The following CDH12 variants were observed in gnomAD, a reference collection of about 807,000 sequenced individuals.
CDH12 encodes the protein cadherin 12.
A neutral mutation model predicts 74.1 loss-of-function variants in CDH12; 41 were observed. The ratio of observed to expected loss-of-function variants is 0.55; its 90% CI spans 0.43 to 0.72. CDH12 has a LOEUF of 0.72. Among genes scored for constraint, CDH12 ranks in the 30% least tolerant of loss-of-function variants. The pLI is 0.00. For missense variants in CDH12, 945 were observed against 977.2 expected (o/e 0.97, Z 0.44); for synonymous variants, 399 against 355.0 (o/e 1.12, Z -1.39).
chr5:22,666,808 T>C (rs1207142817), intron 1 of CDH12, among the ~76,000 whole-genome samples: 1 of 152,260 alleles, frequency 6.6e-6, no homozygotes, highest in African/African-American at 2.4e-5. Context: ...TATAGCTGTA[T>C]ATATGTGTAT....
At chr5:22,148,156 G>T (rs1456087335) in intron 4 of CDH12, among the ~76,000 whole-genome samples, 1 of 152,122 alleles carries the variant, frequency 6.6e-6, no homozygotes, top group East Asian at 1.9e-4. Context: ...TTTTTCCTGT[G>T]ATGGGGATTT....
At chr5:21,958,127 C>T (rs1756184125) in intron 6 of CDH12, among the ~76,000 whole-genome samples, 1 of 152,152 alleles carries the variant, frequency 6.6e-6, no homozygotes, top group Non-Finnish European at 1.5e-5. Context: ...TGGTACTTCT[C>T]CTTCCTGCCG....
chr5:22,228,891 C>T (rs1205316291), intron 3 of CDH12, among the ~76,000 whole-genome samples: 1 of 152,022 alleles, frequency 6.6e-6, no homozygotes, highest in African/African-American at 2.4e-5. Context: ...CAAAGAAGCA[C>T]TTTTTGTTTC....
At chr5:21,946,145 C>T (rs1755567688) in intron 6 of CDH12, among the ~76,000 whole-genome samples, 1 of 152,114 alleles carries the variant, frequency 6.6e-6, no homozygotes. Flanking sequence ...GAACTGTGAA[C>T]TGTAAATTCA....
chr5:22,385,373 A>T (rs1008227497), intron 3 of CDH12, among the ~76,000 whole-genome samples: 1 of 152,160 alleles, frequency 6.6e-6, no homozygotes, highest in African/African-American at 2.4e-5. Flanking sequence ...CCTAAGCTTG[A>T]TTAATAAGAT....
At chr5:22,634,232 AG>A (rs1364964722) in intron 1 of CDH12, among the ~76,000 whole-genome samples, 1 of 152,166 alleles carries the variant, frequency 6.6e-6, no homozygotes, top group African/African-American at 2.4e-5. Context: ...ACAAGACAAA[AG>A]TAATTACATT....
intron 6 of CDH12, among the ~76,000 whole-genome samples, chr5:21,923,339 G>A (rs1018350874): frequency 6.6e-6 from 1 of 152,052 alleles, no homozygotes; most frequent in Non-Finnish European, 1.5e-5. Context: ...TCGTGTGTGG[G>A]TGTGTGTGTA....
At chr5:22,344,285 G>A (rs2120544) in intron 3 of CDH12, among the ~76,000 whole-genome samples, 56,356 of 151,890 alleles carry the variant, frequency 0.37, 10,598 homozygotes, top group South Asian at 0.47. Context: ...GTTGCATTAT[G>A]TCACGACCAT....
At chr5:21,797,338 T>C (rs1746845452) in intron 10 of CDH12, among the ~76,000 whole-genome samples, 1 of 152,200 alleles carries the variant, frequency 6.6e-6, no homozygotes. Context: ...CCATGTCGAG[T>C]AATTTTACAC....
intron 1 of CDH12, among the ~76,000 whole-genome samples, chr5:22,529,945 T>C (rs1191707626): frequency 1.3e-5 from 2 of 152,168 alleles, no homozygotes; most frequent in African/African-American, 4.8e-5. Context: ...TGGGCAACAG[T>C]ACACTGAGTA....
At chr5:22,618,162 T>C (rs1169069610) in intron 1 of CDH12, among the ~76,000 whole-genome samples, 5 of 152,132 alleles carry the variant, frequency 3.3e-5, no homozygotes, top group African/African-American at 1.2e-4. Flanking sequence ...GATGTCAAAA[T>C]TATAAATTGT....
intron 3 of CDH12, among the ~76,000 whole-genome samples, chr5:22,238,905 A>C (rs907175301): frequency 1.3e-5 from 2 of 152,218 alleles, no homozygotes; most frequent in Admixed American, 1.3e-4. Context: ...ACTTTAAAGA[A>C]GATTCTGAAT....
chr5:22,469,728 T>C lies in CDH12; in HGVS notation c.-428+35542A>G, dbSNP rs372623967. Among the ~76,000 whole-genome samples, 28 of 152,292 alleles carry C rather than the reference T, an allele frequency of 1.8e-4. No homozygotes were observed. The East Asian group carries it at 2.5e-3, about 14-fold the overall frequency. On this transcript the variant is annotated intron_variant, in intron 2 of 14. Transcript: ENST00000382254. ...TTTAGTGGTGTATATTCTCCTGTCA[T>C]ATTTTTTCTCAACTTTCTTCCTTTA...
intron 3 of CDH12, among the ~76,000 whole-genome samples, chr5:22,216,120 C>G (rs1751795646): frequency 6.6e-6 from 1 of 151,944 alleles, no homozygotes; most frequent in Middle Eastern, 3.2e-3. Context: ...CTATGTCGAA[C>G]AAATATGTTT....
chr5:21,784,838 C>T (rs1746112013), intron 10 of CDH12, among the ~76,000 whole-genome samples: 1 of 152,112 alleles, frequency 6.6e-6, no homozygotes, highest in South Asian at 2.1e-4. Flanking sequence ...TCTAGGTCAC[C>T]TGCATTTACA....
At chr5:22,785,195 T>C (rs1747563832) in intron 1 of CDH12, among the ~76,000 whole-genome samples, 1 of 152,158 alleles carries the variant, frequency 6.6e-6, no homozygotes, top group Non-Finnish European at 1.5e-5. Context: ...GTAACCTTTT[T>C]TCTTGCTTCA....
At chr5:22,143,251 C>T (rs1055352626) in intron 4 of CDH12, 4 of 153,422 alleles carry the variant, frequency 2.6e-5, no homozygotes, top group Admixed American at 2.0e-4. Flanking sequence ...TATACATAAA[C>T]CTAAAGCATA....
At chr5:21,760,121 C>G (rs946727945) in intron 13 of CDH12, among the ~76,000 whole-genome samples, 2 of 152,136 alleles carry the variant, frequency 1.3e-5, no homozygotes, top group African/African-American at 2.4e-5. Flanking sequence ...TCTGTCTTTG[C>G]TATTGTGAAT....
At chr5:22,709,956 G>C (rs190329431) in intron 1 of CDH12, among the ~76,000 whole-genome samples, 1 of 152,276 alleles carries the variant, frequency 6.6e-6, no homozygotes, top group Non-Finnish European at 1.5e-5. Flanking sequence ...TAGGAACATG[G>C]TGTAGGTGTT....
Sources: gnomAD v4.1 joint callset for allele counts (sites outside exome capture counted in the v4.1 genomes callset) on GRCh38, gnomAD v4.1.1 for gene constraint, MANE v1.5 for transcripts, NCBI Gene and HGNC (gene_info 2026-07-23, HGNC 2026-07-21) for gene names.